Variants in SHISA9 observed in about 807,000 individuals in gnomAD.
SHISA9 encodes shisa family member 9.
In SHISA9, 13 loss-of-function variants were observed where a neutral mutation model predicts 38.0. The observed-to-expected ratio is 0.34, with a 90% CI of 0.22 to 0.54. SHISA9 has a LOEUF of 0.54. Among genes scored for constraint, SHISA9 ranks in the 20% least tolerant of loss-of-function variants. The pLI is 0.91. For synonymous variants in SHISA9, 275 were observed against 242.0 expected, an observed-to-expected ratio of 1.14 and a Z score of -1.27; for missense variants, 538 against 575.8, an observed-to-expected ratio of 0.93 and a Z score of 0.67.
At chr16:13,226,179 C>T (rs1020733962) in intron 4 of SHISA9, among the ~76,000 whole-genome samples, 5 of 152,214 alleles carry the variant, frequency 3.3e-5, no homozygotes, top group Non-Finnish European at 1.5e-5. Flanking sequence ...CCTCACCTGG[C>T]TCCAAACCAG....
At chr16:13,169,457 G>T (rs1314980472) in intron 2 of SHISA9, among the ~76,000 whole-genome samples, 1 of 151,820 alleles carries the variant, frequency 6.6e-6, no homozygotes, top group Non-Finnish European at 1.5e-5. Context: ...CCCCCTCTGG[G>T]GTATTAATTA....
At chr16:13,540,447 G>A in the SHISA9 span, among the ~76,000 whole-genome samples, 5 of 152,102 alleles carry the variant, frequency 3.3e-5, no homozygotes, top group Admixed American at 3.3e-4. Context: ...CCCATCACAG[G>A]GATAGCTCCG....
the SHISA9 span, among the ~76,000 whole-genome samples, chr16:13,493,404 C>G: frequency 6.6e-6 from 1 of 152,134 alleles, no homozygotes; most frequent in Non-Finnish European, 1.5e-5. Flanking sequence ...TGGCCAGACT[C>G]CAGACAAAAT....
chr16:13,101,385 A>C (rs146101364), intron 2 of SHISA9, among the ~76,000 whole-genome samples: 41 of 152,352 alleles, frequency 2.7e-4, no homozygotes, highest in African/African-American at 8.7e-4. Flanking sequence ...TATACCCTAA[A>C]TATATACAAT....
chr16:13,226,944 A>G (rs1177184660), intron 4 of SHISA9, among the ~76,000 whole-genome samples: 1 of 152,206 alleles, frequency 6.6e-6, no homozygotes, highest in African/African-American at 2.4e-5. Flanking sequence ...AGGCATGGGG[A>G]AATAGATTCC....
Position 13,217,814 on chromosome 16 carries a change from G to C in SHISA9, c.895+4514G>C, listed in dbSNP as rs564247186. On this transcript the variant is annotated intron_variant, in intron 4 of 4. Transcript: ENST00000558583. The stretch of plus-strand genomic sequence containing the variant: ...GGAGGCCGAGGTGAGCAGATCACTT[G>C]AGGTAAGGAGTTCGAGACCATCCTG... Among the ~76,000 whole-genome samples the C allele has an allele frequency of 3.9e-5, 6 of 152,306 alleles. No homozygotes were observed. The East Asian group carries it at 9.7e-4, about 25-fold the overall frequency.
the SHISA9 span, among the ~76,000 whole-genome samples, chr16:13,480,887 C>T: frequency 6.6e-6 from 1 of 152,168 alleles, no homozygotes; most frequent in Non-Finnish European, 1.5e-5. Flanking sequence ...GGATAAAACA[C>T]TTATGTTTAA....
At chr16:13,378,554 C>T in the SHISA9 span, among the ~76,000 whole-genome samples, 45 of 152,276 alleles carry the variant, frequency 3.0e-4, no homozygotes, top group African/African-American at 1.1e-3. Flanking sequence ...AGAGTGGAGT[C>T]AACTCTCCTG....
chr16:13,502,222 C>CAAGT, the SHISA9 span, among the ~76,000 whole-genome samples: 43,302 of 151,804 alleles, frequency 0.29, 6,707 homozygotes, highest in East Asian at 0.37. Flanking sequence ...CCAAAGCAAG[C>CAAGT]ATTTGGAGAA....
At chr16:13,096,169 T>C (rs1319466199) in intron 2 of SHISA9, among the ~76,000 whole-genome samples, 1 of 152,204 alleles carries the variant, frequency 6.6e-6, no homozygotes, top group African/African-American at 2.4e-5. Context: ...TGTCATAGGA[T>C]GATTAAGAGG....
the SHISA9 span, among the ~76,000 whole-genome samples, chr16:13,273,864 G>T: frequency 1.3e-5 from 2 of 152,124 alleles, no homozygotes; most frequent in African/African-American, 4.8e-5. Context: ...CAAAGTCCAT[G>T]GTTACCCATG....
chr16:13,349,111 A>G, the SHISA9 span, among the ~76,000 whole-genome samples: 1 of 152,200 alleles, frequency 6.6e-6, no homozygotes, highest in Non-Finnish European at 1.5e-5. Flanking sequence ...TGAACCAAAG[A>G]GATAGACAAG....
intron 2 of SHISA9, among the ~76,000 whole-genome samples, chr16:13,189,357 T>A (rs549096460): frequency 6.6e-6 from 1 of 152,336 alleles, no homozygotes; most frequent in South Asian, 2.1e-4. Flanking sequence ...TCCTGATATG[T>A]GCTAGGGGCA....
At chr16:13,525,077 T>C in the SHISA9 span, among the ~76,000 whole-genome samples, 1 of 152,116 alleles carries the variant, frequency 6.6e-6, no homozygotes, top group African/African-American at 2.4e-5. Context: ...ATACCAGGGG[T>C]TGATAAAACA....
chr16:13,176,707 T>C (rs546140732), intron 2 of SHISA9, among the ~76,000 whole-genome samples: 45 of 152,162 alleles, frequency 3.0e-4, no homozygotes, highest in Admixed American at 1.5e-3. Flanking sequence ...GTTTTTTTTT[T>C]CCCCAAGAAG....
chr16:13,357,178 G>T, the SHISA9 span, among the ~76,000 whole-genome samples: 1 of 152,170 alleles, frequency 6.6e-6, no homozygotes, highest in East Asian at 1.9e-4. Context: ...AGGCTGGGGT[G>T]CGGAAATAAG....
At chr16:13,514,240 G>A in the SHISA9 span, among the ~76,000 whole-genome samples, 12 of 151,908 alleles carry the variant, frequency 7.9e-5, no homozygotes, top group South Asian at 8.3e-4. Flanking sequence ...TGACCTGCCC[G>A]CCTAGACCTC....
the SHISA9 span, among the ~76,000 whole-genome samples, chr16:13,318,719 C>T: frequency 1.3e-5 from 2 of 152,224 alleles, no homozygotes; most frequent in African/African-American, 2.4e-5. Flanking sequence ...CTAGCTGTCT[C>T]TGTCTGGTTC....
the SHISA9 span, among the ~76,000 whole-genome samples, chr16:13,285,287 T>C: frequency 6.6e-6 from 1 of 152,148 alleles, no homozygotes; most frequent in African/African-American, 2.4e-5. Flanking sequence ...TTCTTTTTCA[T>C]ACAGTTAGAT....
Sources: gnomAD v4.1 joint callset for allele counts (sites outside exome capture counted in the v4.1 genomes callset) on GRCh38, gnomAD v4.1.1 for gene constraint, MANE v1.5 for transcripts, NCBI Gene and HGNC (gene_info 2026-07-23, HGNC 2026-07-21) for gene names.